The following ZFYVE28 variants were observed in gnomAD, a reference collection of about 807,000 sequenced individuals.
The protein encoded by ZFYVE28 is lateral signaling target protein 2 homolog.
Under a neutral mutation model 82.1 loss-of-function variants are expected in ZFYVE28, and 40 were observed. The ratio of observed to expected loss-of-function variants is 0.49; its 90% confidence interval spans 0.38 to 0.63. The LOEUF (loss-of-function observed/expected upper bound fraction) is 0.63. ZFYVE28 is among the 30% of genes least tolerant of loss of function. The pLI is 0.00. For missense variants in ZFYVE28, 1,321 were observed against 1,242.1 expected (o/e 1.06, Z -0.96); for synonymous variants, 612 against 546.1 (o/e 1.12, Z -1.68).
At chr4:2,328,594 G>C (rs1720225317) in intron 6 of ZFYVE28, 1 of 152,166 alleles carries the variant, frequency 6.6e-6, no homozygotes, top group Non-Finnish European at 1.5e-5. Flanking sequence ...TAACCAGCTT[G>C]ATTTAATTAT....
In ZFYVE28 at chr4:2,305,046, C is replaced by A; in HGVS notation, c.1294G>T (p.Asp432Tyr). 1 of 1,612,382 alleles carries A rather than the reference C, an allele frequency of 6.2e-7. No homozygotes were observed. Among genetic ancestry groups the A allele is most frequent in the Non-Finnish European group, 8.5e-7 (1 of 1,179,720 alleles). Residue 432 changes from aspartate to tyrosine, a missense_variant, in exon 8 of 13, where the codon GAC (aspartate) becomes TAC (tyrosine). Coordinates refer to ENST00000290974, the MANE Select transcript of ZFYVE28 (RefSeq NM_020972.3). ...CCACCCTGCCCTTTCTCCTGGGGGT[C>A]GGCCCAGGTACTGCCTGCCCACCCA... ...PFGWAGSTWA[D>Y]PQEKGQGGPG...
chr4:2,396,704 CAGCCATCCTGCAGAGGGGCCA>C (rs1730501056), intron 1 of ZFYVE28, among the ~76,000 whole-genome samples: 1 of 7,052 alleles, frequency 1.4e-4, no homozygotes, highest in African/African-American at 1.1e-3. Context: ...CTGATGGGAC[CAGCCATCCTGCAGAGGGGCCA>C]CAAGGCGGGG....
chr4:2,304,942 C>T lies in ZFYVE28; in HGVS notation c.1398G>A (p.Glu466=), dbSNP rs1716309736. 6 of 1,612,596 alleles carry T rather than the reference C, an allele frequency of 3.7e-6. No individual in the cohort carries two copies. Among genetic ancestry groups the T allele is most frequent in the Admixed American group, 3.3e-5 (2 of 60,012 alleles). ...EDLSNNNLEA[E]GTDGASLAGT... is the part of the protein sequence containing the mutation. ...CCGCGAGGCTGGCCCCATCTGTGCC[C>T]TCGGCCTCGAGATTGTTGTTGCTCA... is the stretch of plus-strand genomic sequence containing the variant. The change falls in exon 8 of 13, where the codon GAG becomes GAA. Residue 466 remains glutamate (E), a synonymous_variant. Transcript: ENST00000290974.
At position 2,339,785 on chromosome 4, in the gene ZFYVE28, TC is replaced by T. The variant is rs1428160437; in HGVS notation, c.319-131del. 1.3e-6 allele frequency: 1 copy of T among 781,030 alleles called. No individual in the cohort carries two copies. The highest frequency in any genetic ancestry group is 2.7e-5 in the East Asian group (1 of 37,102). 48.4% of individuals were successfully genotyped at this position (781,030 alleles called of 1,614,324 possible). A position where few individuals can be genotyped will look rare whatever the true frequency, so the allele number is the denominator to read the frequency against. On this transcript the variant is annotated intron_variant, in intron 3 of 12. Transcript: ENST00000290974. The surrounding 1 kb of genome is among the most constrained non-coding windows in gnomAD (Gnocchi z 5.0). Reference sequence around the variant, plus strand: ...CCCCACAGCACAGGCCAGCTCGTGTTCCCGGTCCCCGCAGGAGGTTTTTCTT... The same window carrying T: ...CCCCACAGCACAGGCCAGCTCGTGTTCCGGTCCCCGCAGGAGGTTTTTCTT...
chr4:2,305,976 GGCAGGCAT>G (rs1045819287), intron 7 of ZFYVE28, among the ~76,000 whole-genome samples: 4 of 152,252 alleles, frequency 2.6e-5, no homozygotes, highest in African/African-American at 9.6e-5. Flanking sequence ...CGAGGAAGAA[GGCAGGCAT>G]GCTCCTGCCC....
chr4:2,342,796 T>C (rs1723009246), intron 2 of ZFYVE28: 2 of 152,176 alleles, frequency 1.3e-5, no homozygotes, highest in South Asian at 4.1e-4. Flanking sequence ...TTTAATTTGT[T>C]AAATATGAAA....
intron 1 of ZFYVE28, among the ~76,000 whole-genome samples, chr4:2,375,877 A>ATTT (rs58441543): frequency 4.7e-5 from 7 of 147,710 alleles, no homozygotes; most frequent in African/African-American, 1.5e-4. Context: ...TGGTCAAATA[A>ATTT]TTTTTTTTTT....
intron 1 of ZFYVE28, among the ~76,000 whole-genome samples, chr4:2,398,934 GGCA>G (rs1730805858): frequency 1.5e-5 from 2 of 130,140 alleles, no homozygotes; most frequent in South Asian, 2.9e-4. Flanking sequence ...CACAAGCGGG[GGCA>G]AGATCGAGGG....
intron 2 of ZFYVE28, among the ~76,000 whole-genome samples, chr4:2,350,109 T>C (rs994116213): frequency 6.6e-6 from 1 of 152,064 alleles, no homozygotes; most frequent in Non-Finnish European, 1.5e-5. Context: ...ATTATCTTTA[T>C]TGGCAAAAAA....
Position 2,271,677 on chromosome 4 carries a change from T to G in ZFYVE28, c.2426A>C (p.Glu809Ala). 1.9e-6 allele frequency: 3 copies of G among 1,613,746 alleles called. No homozygotes were observed. The highest frequency in any genetic ancestry group is 2.5e-6 in the Non-Finnish European group (3 of 1,179,920). The change falls in exon 11 of 13, where the codon GAA becomes GCA. Residue 809 changes from glutamate (E) to alanine (A), a missense_variant and splice_region_variant. Around this residue, in one of 2 missense-constraint regions of ZFYVE28, gnomAD observed 978 missense variants for 833.7 expected, o/e 1.17. Coordinates refer to ENST00000290974, the MANE Select transcript of ZFYVE28 (RefSeq NM_020972.3). ...LAAKTRDGDF[E>A]DPPEWVPDEA... ...CTGACCCAGAGCCTCCCACACACCT[T>G]CAAAGTCCCCATCGCGGGTCTTGGC...
intron 8 of ZFYVE28, among the ~76,000 whole-genome samples, chr4:2,297,301 G>A (rs1430631809): frequency 1.3e-5 from 2 of 152,226 alleles, no homozygotes. Context: ...GGGTCAGCAG[G>A]CCCGGGAGAG....
rs536870136 is a variant in ZFYVE28, at chr4:2,341,794, T to C, written c.181-179A>G. Among the ~76,000 whole-genome samples, 5 of 151,828 alleles carry C rather than the reference T, an allele frequency of 3.3e-5. No individual in the cohort carries two copies. The South Asian group carries it at 1.0e-3, about 32-fold the overall frequency. The stretch of plus-strand genomic sequence containing the variant: ...CAGCACTTTGGGAGGCCGAGGCGGG[T>C]GGTTTACCTGAGGTTAGGAGTTTGA... On this transcript the variant is annotated intron_variant, in intron 2 of 12. Coordinates refer to ENST00000290974, the MANE Select transcript of ZFYVE28 (RefSeq NM_020972.3). The surrounding 1 kb of genome is among the most constrained non-coding windows in gnomAD (Gnocchi z 4.5).
chr4:2,271,090 C>T, intron 12 of ZFYVE28: 1 of 744,704 alleles, frequency 1.3e-6, no homozygotes. Context: ...CTCTCTGTGG[C>T]TGGCTCTGCA....
chr4:2,320,129 G>C lies in ZFYVE28; in HGVS notation c.803+41C>G, dbSNP rs767502411. 6 of 1,584,340 alleles carry C rather than the reference G, an allele frequency of 3.8e-6. No homozygotes were observed. The highest frequency in any genetic ancestry group is 3.4e-5 in the Admixed American group (2 of 59,652). ...TTCAGCGCCCACCTGTGGCCCTCCT[G>C]TCCCCCTCCCCTCCCCCACCTCCTC... On this transcript the variant is annotated intron_variant, in intron 7 of 12. Coordinates refer to ENST00000290974, the MANE Select transcript of ZFYVE28 (RefSeq NM_020972.3). This position sits in a 1 kb window ranked among gnomAD's most constrained non-coding sequence, Gnocchi z 5.1.
rs1010917852 is a variant in ZFYVE28, at chr4:2,398,222, C to A, written c.39+20063G>T. On this transcript the variant is annotated intron_variant, in intron 1 of 12. Transcript: ENST00000290974. Reference sequence around the variant, plus strand: ...CCGCATGGGTGGGGAAGGCCAGTGCCCGTGCCAGGGTGCAGGGCACCGACA... The same window carrying A: ...CCGCATGGGTGGGGAAGGCCAGTGCACGTGCCAGGGTGCAGGGCACCGACA... Among the ~76,000 whole-genome samples the A allele has an allele frequency of 1.4e-4, 21 of 152,246 alleles. 1 individual carries two copies. The highest frequency in any genetic ancestry group is 3.1e-4 in the African/African-American group (13 of 41,560).
At chr4:2,319,618 C>A (rs1718747858) in intron 7 of ZFYVE28, among the ~76,000 whole-genome samples, 1 of 152,218 alleles carries the variant, frequency 6.6e-6, no homozygotes, top group South Asian at 2.1e-4. Context: ...CCCGTCCCTC[C>A]AGGAAGCCAC....
chr4:2,271,589 C>T, intron 11 of ZFYVE28, 86 bp downstream of exon 11: 1 of 1,494,330 alleles, frequency 6.7e-7, no homozygotes, highest in Non-Finnish European at 9.3e-7. Context: ...GGCCTGCAGC[C>T]CCTCCCCCAG....
At chr4:2,277,748 C>T (rs1021091065) in intron 8 of ZFYVE28, among the ~76,000 whole-genome samples, 4 of 152,128 alleles carry the variant, frequency 2.6e-5, no homozygotes, top group Admixed American at 6.5e-5. Flanking sequence ...ATTGTTGAGA[C>T]GGCATGACTC....
chr4:2,365,200 C>T (rs187378281), intron 1 of ZFYVE28, among the ~76,000 whole-genome samples: 53 of 151,798 alleles, frequency 3.5e-4, no homozygotes, highest in Admixed American at 2.8e-3. Context: ...TCAGGGTCTC[C>T]ACATCTCCCC....
Sources: allele counts gnomAD v4.1 joint callset (sites outside exome capture counted in the v4.1 genomes callset), GRCh38; gene constraint gnomAD v4.1.1; regional missense constraint gnomAD v4.1.1; non-coding constraint Gnocchi (gnomAD v3.1); transcripts MANE v1.5; gene names NCBI Gene and HGNC (gene_info 2026-07-23, HGNC 2026-07-21).